GPATCH3: variants seen among roughly 807,000 people sequenced by gnomAD.
The protein encoded by GPATCH3 is G-patch domain containing 3, also known as G patch domain-containing protein 3.
A neutral mutation model predicts 53.2 loss-of-function variants in GPATCH3; 45 were observed. That is an observed-to-expected ratio of 0.85 (90% CI 0.67 to 1.08). GPATCH3 has a LOEUF of 1.08. Among genes scored for constraint, GPATCH3 ranks in the 50% least tolerant of loss-of-function variants. GPATCH3 has a pLI of 0.00. For synonymous variants in GPATCH3, 280 were observed against 270.6 expected, an observed-to-expected ratio of 1.03 and a Z score of -0.34; for missense variants, 680 against 687.2, an observed-to-expected ratio of 0.99 and a Z score of 0.12.
At position 26,896,537 on chromosome 1, in the gene GPATCH3, A is replaced by T. The variant is rs1043028515; in HGVS notation, c.876+764T>A. On this transcript the variant is annotated intron_variant, in intron 2 of 6. Transcript: ENST00000361720. ...AAACCCTGTCTCTACTAAAAATAAA[A>T]AAAAAAAAAAAAATTAGCCGGGCGT... is the stretch of plus-strand genomic sequence containing the variant. Among the ~76,000 whole-genome samples, 21 of 147,738 alleles carry T rather than the reference A, an allele frequency of 1.4e-4. No homozygotes were observed. The East Asian group carries it at 3.2e-3, about 22-fold the overall frequency.
At position 26,900,065 on chromosome 1, in the gene GPATCH3, C is replaced by G; in HGVS notation, c.378G>C (p.Trp126Cys). ...GTAGCCAAGTCCCGTGAGAATCCAG[C>G]CACCGGCGGCCCGAGTACATGCGAA... is the stretch of plus-strand genomic sequence containing the variant. ...RLIRMYSGRR[W>C]LDSHGTWLPG... is the part of the protein sequence containing the mutation. The change falls in exon 1 of 7, where the codon TGG (tryptophan) becomes TGC (cysteine). Residue 126 changes from tryptophan (W) to cysteine (C), a missense_variant. Physicochemically the swap from Trp to Cys is radical, Grantham distance 215 (BLOSUM62 -2). Transcript: ENST00000361720. The G allele has an allele frequency of 6.2e-7, 1 of 1,614,184 alleles. No homozygotes were observed.
rs779537923 is a variant in GPATCH3, at chr1:26,900,135, C to G, written c.308G>C (p.Cys103Ser). ...CAACCCCCTTACCGAGATGACGCAG[C>G]AGCAGGTGCGGGTCTGGATTGGAGT... ...DSTPIQTRTC[C>S]CVISVRGLAQ... The change falls in exon 1 of 7, where the codon TGC (cysteine) becomes TCC (serine). Residue 103 changes from cysteine to serine, a missense_variant. Cys to Ser is a moderately radical substitution (Grantham distance 112). Transcript: ENST00000361720. The G allele has an allele frequency of 1.4e-5, 23 of 1,614,080 alleles. No individual in the cohort carries two copies. The South Asian group carries it at 1.9e-4, about 13-fold the overall frequency.
At position 26,890,966 on chromosome 1, in the gene GPATCH3, G is replaced by C. The variant is rs772975044; in HGVS notation, c.*44C>G. 1.9e-6 allele frequency: 3 copies of C among 1,547,344 alleles called. No homozygotes were observed. Among genetic ancestry groups the C allele is most frequent in the Non-Finnish European group, 2.7e-6 (3 of 1,119,832 alleles). The stretch of plus-strand genomic sequence containing the variant: ...TTCAGTGGTAGATGAGGCCAGGGCA[G>C]AGGGTTTTCATCATGTAGCTATGAA... On this transcript the variant is annotated 3_prime_UTR_variant, in exon 7 of 7. Transcript: ENST00000361720.
At chr1:26,896,396 A>G (rs1247012653) in intron 2 of GPATCH3, among the ~76,000 whole-genome samples, 1 of 151,736 alleles carries the variant, frequency 6.6e-6, no homozygotes, top group Non-Finnish European at 1.5e-5. Context: ...ATAATTTTTA[A>G]AAAAGAAAAA....
At position 26,892,541 on chromosome 1, in the gene GPATCH3, G is replaced by A; in HGVS notation, c.1234-3C>T. The A allele has an allele frequency of 3.1e-6, 5 of 1,610,886 alleles. No homozygotes were observed. The highest frequency in any genetic ancestry group is 4.2e-6 in the Non-Finnish European group (5 of 1,177,268). On this transcript the variant is annotated splice_region_variant and splice_polypyrimidine_tract_variant and intron_variant, in intron 5 of 6. Coordinates refer to ENST00000361720, the MANE Select transcript of GPATCH3 (RefSeq NM_022078.3). ...TCCATCACCTTCCGCCCAATGCCCT[G>A]CAGAGTGAAGGGACAAGACTCAAGA...
At chr1:26,899,971 T>A (rs745420972) in intron 1 of GPATCH3, 21 bp downstream of exon 1, 2 of 1,610,902 alleles carry the variant, frequency 1.2e-6, no homozygotes, top group Admixed American at 3.3e-5. Context: ...AGGCCCAGTC[T>A]ATTAACTTTC....
chr1:26,898,507 A>G (rs2081960341), intron 1 of GPATCH3, among the ~76,000 whole-genome samples: 1 of 151,642 alleles, frequency 6.6e-6, no homozygotes, highest in Non-Finnish European at 1.5e-5. Flanking sequence ...TAGTACAGAC[A>G]GGGTTACGCC....
intron 2 of GPATCH3, 98 bp from the exon 3 acceptor site, chr1:26,894,508 C>T (rs1034849149): frequency 2.1e-5 from 24 of 1,138,200 alleles, no homozygotes; most frequent in African/African-American, 1.4e-4. Context: ...CTAGCCTCAG[C>T]GCCATTCCTT....
chr1:26,891,096 G>C lies in GPATCH3; in HGVS notation c.1492C>G (p.Pro498Ala). Residue 498 changes from proline to alanine, a missense_variant, in exon 7 of 7, where the codon CCA becomes GCA. Transcript: ENST00000361720. The part of the protein sequence containing the change: ...DQTESLLRRQ[P>A]PTSMKFRTDM... ...GTCCGAAACTTCATGCTGGTGGGTG[G>C]CTGGCGGCGGAGCAGTGACTCCGTC... is the stretch of plus-strand genomic sequence containing the variant. 1 of 1,614,146 alleles carries C rather than the reference G, an allele frequency of 6.2e-7. No individual in the cohort carries two copies. The highest frequency in any genetic ancestry group is 8.5e-7 in the Non-Finnish European group (1 of 1,180,038).
At chr1:26,894,182 C>A in intron 3 of GPATCH3, 54 bp downstream of exon 3, 11 of 1,569,746 alleles carry the variant, frequency 7.0e-6, no homozygotes, top group South Asian at 1.2e-5. Flanking sequence ...AACAGGGAAC[C>A]CCAAAAGAAT....
Position 26,894,400 on chromosome 1 carries a change from C to A in GPATCH3, c.887G>T (p.Arg296Leu), listed in dbSNP as rs377557354. 49 of 1,613,816 alleles carry A rather than the reference C, an allele frequency of 3.0e-5. No homozygotes were observed. The highest frequency in any genetic ancestry group is 3.6e-5 in the Non-Finnish European group (43 of 1,179,944). The change falls in exon 3 of 7, where the codon CGG becomes CTG. Residue 296 changes from arginine to leucine, a missense_variant. Transcript: ENST00000361720. ...EESHSDEDDD[R>L]GEEWERHEAL... is the part of the protein sequence containing the mutation. ...TTCATGCCGTTCCCATTCCTCACCC[C>A]GGTCATCGTCCTAAAAGGCAGGGAG...
intron 3 of GPATCH3, 81 bp from the exon 4 acceptor site, chr1:26,893,529 CTTTT>C (rs57218076): frequency 3.4e-3 from 1,264 of 370,816 alleles, no homozygotes; most frequent in Admixed American, 5.2e-3. Context: ...GTTTTTTTGG[CTTTT>C]TTTTTTTTTT....
intron 1 of GPATCH3, among the ~76,000 whole-genome samples, chr1:26,899,368 CTAAA>C (rs1198409556): frequency 6.6e-6 from 1 of 152,218 alleles, no homozygotes; most frequent in Non-Finnish European, 1.5e-5. Flanking sequence ...ACAGCGCCTA[CTAAA>C]TACAGAGTGC....
chr1:26,897,875 G>T, intron 1 of GPATCH3, 150 bp from the exon 2 acceptor site: 2 of 696,050 alleles, frequency 2.9e-6, no homozygotes, highest in Non-Finnish European at 4.7e-6. Flanking sequence ...AGTGGCTCAC[G>T]CTTGTGATCC....
chr1:26,895,475 G>A (rs1056873306), intron 2 of GPATCH3, among the ~76,000 whole-genome samples: 3 of 140,302 alleles, frequency 2.1e-5, no homozygotes, highest in Non-Finnish European at 4.6e-5. Flanking sequence ...AGTGAGCTGA[G>A]ATTGCACTAC....
At position 26,890,527 on chromosome 1, in the gene GPATCH3, A is replaced by T; in HGVS notation, c.*483T>A. ...TCTTTATTCTTCCGTGACGTCGCACACCCAAGCCACCTCCCGCGGACTCTC... is the reference window on the plus strand; with the variant it reads ...TCTTTATTCTTCCGTGACGTCGCACTCCCAAGCCACCTCCCGCGGACTCTC... On this transcript the variant is annotated 3_prime_UTR_variant, in exon 7 of 7. Transcript: ENST00000361720. 3.4e-6 allele frequency: 1 copy of T among 290,376 alleles called. No individual in the cohort carries two copies. Among genetic ancestry groups the T allele is most frequent in the Non-Finnish European group, 6.7e-6 (1 of 150,100 alleles). The allele number at this position is 290,376 out of a possible 1,614,324, so 18.0% of individuals were successfully genotyped here. A position where few individuals can be genotyped will look rare whatever the true frequency, so the allele number is the denominator to read the frequency against.
intron 2 of GPATCH3, among the ~76,000 whole-genome samples, chr1:26,895,834 T>C (rs1477008237): frequency 6.6e-6 from 1 of 152,132 alleles, no homozygotes; most frequent in Non-Finnish European, 1.5e-5. Flanking sequence ...TTCACCATGT[T>C]GGCCAGGCTG....
At position 26,891,069 on chromosome 1, in the gene GPATCH3, C is replaced by G; in HGVS notation, c.1519G>C (p.Asp507His). Residue 507 changes from aspartate to histidine, a missense_variant, in exon 7 of 7, where the codon GAC (aspartate) becomes CAC (histidine). Coordinates refer to ENST00000361720, the MANE Select transcript of GPATCH3 (RefSeq NM_022078.3). ...QPPTSMKFRT[D>H]MAFVRGSSCA... ...CTGGAACCCCTCACAAAGGCCATGT[C>G]TGTCCGAAACTTCATGCTGGTGGGT... The G allele has an allele frequency of 1.2e-6, 2 of 1,614,188 alleles. No homozygotes were observed. The highest frequency in any genetic ancestry group is 1.7e-6 in the Non-Finnish European group (2 of 1,180,032).
chr1:26,892,080 TG>T (rs1284209548), intron 6 of GPATCH3, among the ~76,000 whole-genome samples: 1 of 152,136 alleles, frequency 6.6e-6, no homozygotes, highest in Non-Finnish European at 1.5e-5. Flanking sequence ...TGACCTCAAA[TG>T]ATCTGCCCAC....
Sources: gnomAD v4.1 joint callset for allele counts (sites outside exome capture counted in the v4.1 genomes callset) on GRCh38, gnomAD v4.1.1 for gene constraint, MANE v1.5 for transcripts, NCBI Gene and HGNC (gene_info 2026-07-23, HGNC 2026-07-21) for gene names.